AASS: variants seen among roughly 807,000 people sequenced by gnomAD.
AASS encodes alpha-aminoadipic semialdehyde synthase, mitochondrial.
In AASS, 86 loss-of-function variants were observed where a neutral mutation model predicts 105.4. That is an observed-to-expected ratio of 0.82 (90% CI 0.69 to 0.98). AASS has a LOEUF of 0.98. Among genes scored for constraint, AASS ranks in the 50% least tolerant of loss-of-function variants. The pLI, the probability that AASS is intolerant of heterozygous loss-of-function variation, is 0.00. For synonymous variants in AASS, 381 were observed against 394.8 expected, an observed-to-expected ratio of 0.96 and a Z score of 0.41; for missense variants, 1,048 against 1,143.2, an observed-to-expected ratio of 0.92 and a Z score of 1.20.
chr7:122,101,265 G>C, intron 13 of AASS, 106 bp downstream of exon 13: 1 of 907,220 alleles, frequency 1.1e-6, no homozygotes, highest in Non-Finnish European at 1.8e-6. Flanking sequence ...AATTTATATA[G>C]TGTACAAACC....
intron 11 of AASS, among the ~76,000 whole-genome samples, chr7:122,110,447 T>C (rs1345745333): frequency 6.6e-6 from 1 of 151,870 alleles, no homozygotes; most frequent in Non-Finnish European, 1.5e-5. Context: ...TCTTAAGTTT[T>C]TAAATAAAAT....
At chr7:122,140,476 A>AT (rs1247961947) in intron 1 of AASS, among the ~76,000 whole-genome samples, 4 of 123,064 alleles carry the variant, frequency 3.3e-5, no homozygotes, top group Non-Finnish European at 6.6e-5. Context: ...ACAGAGCGAG[A>AT]CTCAGTCTCA....
At chr7:122,121,004 AT>A (rs1387344264) in intron 4 of AASS, among the ~76,000 whole-genome samples, 1 of 152,068 alleles carries the variant, frequency 6.6e-6, no homozygotes, top group African/African-American at 2.4e-5. Context: ...TAATGTAACT[AT>A]TGATATAGCT....
chr7:122,083,187 A>G (rs1473013991), intron 19 of AASS, among the ~76,000 whole-genome samples: 1 of 152,128 alleles, frequency 6.6e-6, no homozygotes, highest in Non-Finnish European at 1.5e-5. Flanking sequence ...TAAAGGTTAT[A>G]TTGTTCAAAC....
intron 11 of AASS, among the ~76,000 whole-genome samples, chr7:122,108,090 A>G (rs2150529546): frequency 6.6e-6 from 1 of 152,182 alleles, no homozygotes; most frequent in East Asian, 1.9e-4. Context: ...AAATTCCTGG[A>G]CACATACAAC....
intron 13 of AASS, 105 bp downstream of exon 13, chr7:122,101,264 AGT>A: frequency 1.1e-6 from 1 of 894,332 alleles, no homozygotes; most frequent in South Asian, 1.4e-5. Context: ...AAATTTATAT[AGT>A]GTACAAACCT....
In AASS at chr7:122,113,853, A is replaced by G. The variant is rs894263397; in HGVS notation, c.1044-133T>C. On this transcript the variant is annotated intron_variant, in intron 9 of 23. Coordinates refer to ENST00000417368, the MANE Select transcript of AASS (RefSeq NM_005763.4). Reference sequence around the variant, plus strand: ...TCCAGGCTTTTGGGGTCTTTTTCCTATAGCTCATTCTTCAGGACTCTGCAC... The same window carrying G: ...TCCAGGCTTTTGGGGTCTTTTTCCTGTAGCTCATTCTTCAGGACTCTGCAC... The G allele has an allele frequency of 8.6e-6, 8 of 927,256 alleles. No individual in the cohort carries two copies. In the African/African-American group the frequency reaches 1.0e-4, roughly 12 times the overall value. 57.4% of individuals were successfully genotyped at this position (927,256 alleles called of 1,614,324 possible).
chr7:122,139,390 A>G (rs1469402181), intron 1 of AASS, among the ~76,000 whole-genome samples: 1 of 152,218 alleles, frequency 6.6e-6, no homozygotes, highest in East Asian at 1.9e-4. Context: ...ATAGTGAATT[A>G]TTAATTATTG....
At position 122,076,526 on chromosome 7, in the gene AASS, C is replaced by T. The variant is rs1793019150; in HGVS notation, c.2744G>A (p.Gly915Asp). The T allele has an allele frequency of 6.8e-6, 11 of 1,613,812 alleles. No homozygotes were observed. Among genetic ancestry groups the T allele is most frequent in the Non-Finnish European group, 9.3e-6 (11 of 1,179,776 alleles). Residue 915 changes from glycine to aspartate, a missense_variant, in exon 24 of 24, where the codon GGC becomes GAC. Gly to Asp is a moderately conservative substitution (Grantham distance 94, BLOSUM62 -1). Coordinates refer to ENST00000417368, the MANE Select transcript of AASS (RefSeq NM_005763.4). ...GPILERIKAE[G>D]IIYTTQSTIK... ...TGTACTCTGTGTAGTATATATAATG[C>T]CTTCTGCTTTAATTCGCTCCAATAT... is the stretch of plus-strand genomic sequence containing the variant.
chr7:122,118,498 AT>A (rs768467405), intron 5 of AASS, 45 bp from the exon 6 acceptor site: 14 of 1,613,552 alleles, frequency 8.7e-6, no homozygotes, highest in Admixed American at 1.7e-5. Context: ...CCAGCTCAGC[AT>A]TTTTTTTATT....
intron 18 of AASS, among the ~76,000 whole-genome samples, chr7:122,089,914 T>C (rs1353791102): frequency 6.6e-6 from 1 of 152,196 alleles, no homozygotes; most frequent in Non-Finnish European, 1.5e-5. Flanking sequence ...TGTTAATTTA[T>C]ACCAAACATA....
intron 11 of AASS, among the ~76,000 whole-genome samples, chr7:122,107,778 A>G (rs1050975059): frequency 6.6e-6 from 1 of 152,020 alleles, no homozygotes; most frequent in African/African-American, 2.4e-5. Context: ...ACAAAAAATG[A>G]CTATTGGGTA....
intron 4 of AASS, among the ~76,000 whole-genome samples, chr7:122,124,590 C>A (rs1278030893): frequency 6.6e-6 from 1 of 152,064 alleles, no homozygotes; most frequent in Non-Finnish European, 1.5e-5. Context: ...GTCTCAAATA[C>A]CTTTCTTATA....
intron 1 of AASS, among the ~76,000 whole-genome samples, chr7:122,142,834 C>T (rs1276035875): frequency 6.6e-6 from 1 of 152,084 alleles, no homozygotes; most frequent in African/African-American, 2.4e-5. Context: ...AAGATCATTT[C>T]CAAAATTCCG....
At chr7:122,103,402 A>T (rs1794523609) in intron 11 of AASS, among the ~76,000 whole-genome samples, 1 of 152,228 alleles carries the variant, frequency 6.6e-6, no homozygotes, top group East Asian at 1.9e-4. Context: ...ACTCTTTCCC[A>T]GACAAGCAAA....
chr7:122,091,808 T>C lies in AASS; in HGVS notation c.1911A>G (p.Pro637=), dbSNP rs765299725. 5 of 1,613,066 alleles carry C rather than the reference T, an allele frequency of 3.1e-6. No individual in the cohort carries two copies. The South Asian group carries it at 5.5e-5, about 18-fold the overall frequency. ...ESYISYCGGL[P]APEHSNNPLR... ...ATGGATTGTTTGAATGTTCAGGGGC[T>C]GGAAGCCCACCACAGTAGGAAATAT... The change falls in exon 18 of 24, where the codon CCA becomes CCG. Residue 637 remains proline, a synonymous_variant. Coordinates refer to ENST00000417368, the MANE Select transcript of AASS (RefSeq NM_005763.4).
In AASS at chr7:122,106,312, T is replaced by C. The variant is rs180802075; in HGVS notation, c.1279-4632A>G. Among the ~76,000 whole-genome samples the C allele has an allele frequency of 1.3e-4, 20 of 152,066 alleles. 1 individual carries two copies. In the East Asian group the frequency reaches 2.7e-3, roughly 21 times the overall value. ...AGTTTTCAAGGGGAATCAATGTTAT[T>C]AAAATGGCCATACTGCCCAAAGCAA... On this transcript the variant is annotated intron_variant, in intron 11 of 23. Coordinates refer to ENST00000417368, the MANE Select transcript of AASS (RefSeq NM_005763.4).
chr7:122,081,869 T>G (rs1298016816), intron 19 of AASS: 1 of 408,528 alleles, frequency 2.4e-6, no homozygotes, highest in Non-Finnish European at 4.5e-6. Flanking sequence ...ACAATTCTAC[T>G]GGTTTACATA....
At chr7:122,135,375 A>G (rs908750463) in intron 1 of AASS, among the ~76,000 whole-genome samples, 11 of 151,882 alleles carry the variant, frequency 7.2e-5, no homozygotes, top group African/African-American at 2.7e-4. Context: ...CCTAGAGTCC[A>G]GCTCACCTTC....
Sources: gnomAD v4.1 joint callset for allele counts (sites outside exome capture counted in the v4.1 genomes callset) on GRCh38, gnomAD v4.1.1 for gene constraint, MANE v1.5 for transcripts, NCBI Gene and HGNC (gene_info 2026-07-23, HGNC 2026-07-21) for gene names.